Variants in COP1 observed in about 807,000 individuals in gnomAD.
The protein encoded by COP1 is E3 ubiquitin-protein ligase COP1.
In COP1, 24 loss-of-function variants were observed where a neutral mutation model predicts 101.3. The observed-to-expected ratio is 0.24, with a 90% CI of 0.17 to 0.33. The LOEUF (loss-of-function observed/expected upper bound fraction) is 0.33, where lower values mean the gene tolerates loss of function less well. COP1 is among the 10% of genes least tolerant of loss of function. The pLI is 1.00. For synonymous variants in COP1, 347 were observed against 341.9 expected, an observed-to-expected ratio of 1.01 and a Z score of -0.17; for missense variants, 663 against 906.2, an observed-to-expected ratio of 0.73 and a Z score of 3.45.
In COP1 at chr1:176,002,415, T is replaced by C. The variant is rs537962128; in HGVS notation, c.1730-12936A>G. 1.1e-4 allele frequency among the ~76,000 whole-genome samples: 16 copies of C among 152,216 alleles called. No individual in the cohort carries two copies. In the East Asian group the frequency reaches 2.9e-3, roughly 27 times the overall value. Reference sequence around the variant, plus strand: ...ACATGTGCACATAGTGCAGGTTAGTTACATATGTATACATGTGCCATGCTG... The same window carrying C: ...ACATGTGCACATAGTGCAGGTTAGTCACATATGTATACATGTGCCATGCTG... On this transcript the variant is annotated intron_variant, in intron 15 of 19. Transcript: ENST00000367669.
At position 176,190,836 on chromosome 1, in the gene COP1, T is replaced by C. The variant is rs140511607; in HGVS notation, c.408-6144A>G. Among the ~76,000 whole-genome samples the C allele has an allele frequency of 2.6e-3, 399 of 152,088 alleles. 3 individuals carry two copies. Among genetic ancestry groups the C allele is most frequent in the African/African-American group, 9.2e-3 (381 of 41,528 alleles). On this transcript the variant is annotated intron_variant, in intron 1 of 19. Transcript: ENST00000367669. ...ATTTTAGTACAAATGCTAACTCCAT[T>C]ATGCTTTCATAAAATGTGTCAACTG...
At chr1:176,159,680 G>T (rs961792186) in intron 5 of COP1, among the ~76,000 whole-genome samples, 4 of 152,016 alleles carry the variant, frequency 2.6e-5, no homozygotes, top group African/African-American at 9.7e-5. Context: ...AAACAAATAG[G>T]TATATTTCAA....
intron 1 of COP1, among the ~76,000 whole-genome samples, chr1:176,187,721 C>A (rs866523724): frequency 6.6e-6 from 1 of 152,142 alleles, no homozygotes; most frequent in African/African-American, 2.4e-5. Context: ...AATCATTACA[C>A]AGATTAACAA....
At chr1:176,102,423 A>AAT (rs1474713711) in intron 9 of COP1, among the ~76,000 whole-genome samples, 6 of 152,174 alleles carry the variant, frequency 3.9e-5, no homozygotes, top group African/African-American at 1.4e-4. Flanking sequence ...TGGTCTAAGA[A>AAT]ATATACTTGG....
Position 176,116,651 on chromosome 1 carries a change from T to C in COP1, c.999A>G (p.Gln333=). The change falls in exon 9 of 20, where the codon CAA becomes CAG. Residue 333 remains glutamine (Q), a synonymous_variant. Coordinates refer to ENST00000367669, the MANE Select transcript of COP1 (RefSeq NM_022457.7). ...GAGAACTGCCACTGAAACCTGGAGG[T>C]TGGCTGTATTCTGTGGAATCAATAA... is the stretch of plus-strand genomic sequence containing the variant. The part of the protein sequence containing the change: ...SSIIDSTEYS[Q]PPGFSGSSQT... The C allele has an allele frequency of 6.2e-7, 1 of 1,612,174 alleles. No individual in the cohort carries two copies. Among genetic ancestry groups the C allele is most frequent in the Non-Finnish European group, 8.5e-7 (1 of 1,178,774 alleles).
intron 1 of COP1, among the ~76,000 whole-genome samples, chr1:176,201,857 C>T (rs1700294089): frequency 6.6e-6 from 1 of 152,174 alleles, no homozygotes; most frequent in African/African-American, 2.4e-5. Context: ...GCAAAAGAAG[C>T]ATCAAGTTTG....
intron 15 of COP1, among the ~76,000 whole-genome samples, chr1:176,017,085 C>T (rs1442905547): frequency 4.6e-5 from 7 of 151,986 alleles, no homozygotes; most frequent in Admixed American, 2.0e-4. Context: ...ATCATCAATA[C>T]GTTAAAATGA....
chr1:176,150,331 A>C (rs1167134471), intron 5 of COP1, among the ~76,000 whole-genome samples: 1 of 152,344 alleles, frequency 6.6e-6, no homozygotes, highest in East Asian at 1.9e-4. Flanking sequence ...CAATTAAAAT[A>C]ATATAACTGA....
At chr1:175,984,994 G>T (rs1656766179) in intron 18 of COP1, among the ~76,000 whole-genome samples, 1 of 152,198 alleles carries the variant, frequency 6.6e-6, no homozygotes, top group Non-Finnish European at 1.5e-5. Context: ...TATCTCAGAT[G>T]AAACGTTGGA....
In COP1 at chr1:175,952,625, T is replaced by C. The variant is rs1000819873; in HGVS notation, c.2134-5386A>G. ...TGAAAACTCTGATCTAAAAAAGGGA[T>C]AAGGTGGGCATGGTAGCTCACACCT... is the stretch of plus-strand genomic sequence containing the variant. On this transcript the variant is annotated intron_variant, in intron 18 of 19. Coordinates refer to ENST00000367669, the MANE Select transcript of COP1 (RefSeq NM_022457.7). 2.0e-5 allele frequency among the ~76,000 whole-genome samples: 3 copies of C among 151,638 alleles called. No homozygotes were observed. In the East Asian group the frequency reaches 5.9e-4, roughly 30 times the overall value.
intron 9 of COP1, 48 bp from the exon 10 acceptor site, chr1:176,085,938 C>A (rs370392456): frequency 1.2e-5 from 12 of 1,011,536 alleles, no homozygotes; most frequent in African/African-American, 6.3e-5. Context: ...CAATACTCTT[C>A]TTTTGCACAG....
chr1:176,165,346 G>A (rs138903942), intron 3 of COP1, among the ~76,000 whole-genome samples: 1 of 149,652 alleles, frequency 6.7e-6, no homozygotes, highest in Non-Finnish European at 1.5e-5. Flanking sequence ...GTGAGAGAGA[G>A]AGAGAGATGT....
At chr1:176,076,594 A>G (rs1443961014) in intron 11 of COP1, among the ~76,000 whole-genome samples, 1 of 152,104 alleles carries the variant, frequency 6.6e-6, no homozygotes, top group Non-Finnish European at 1.5e-5. Context: ...CTAATCCCAA[A>G]GCTAGTAGAA....
chr1:176,098,315 T>C (rs1173627844), intron 9 of COP1, among the ~76,000 whole-genome samples: 1 of 152,220 alleles, frequency 6.6e-6, no homozygotes, highest in Non-Finnish European at 1.5e-5. Context: ...TTGAAACTAT[T>C]GGAAATAGAT....
intron 18 of COP1, among the ~76,000 whole-genome samples, chr1:175,982,858 T>C (rs1656193744): frequency 6.6e-6 from 1 of 152,174 alleles, no homozygotes; most frequent in African/African-American, 2.4e-5. Context: ...AGAATGGTAG[T>C]TACCAGAGGT....
chr1:176,021,048 A>C (rs1365385752), intron 15 of COP1, among the ~76,000 whole-genome samples: 1 of 152,168 alleles, frequency 6.6e-6, no homozygotes, highest in East Asian at 1.9e-4. Flanking sequence ...ATCACAGCTC[A>C]CTATAACCTT....
intron 15 of COP1, among the ~76,000 whole-genome samples, chr1:176,005,643 T>A (rs1662967665): frequency 6.6e-6 from 1 of 152,236 alleles, no homozygotes; most frequent in African/African-American, 2.4e-5. Context: ...TTGTTCAGTT[T>A]CCATGAAGTT....
intron 14 of COP1, among the ~76,000 whole-genome samples, chr1:176,038,620 C>T (rs928704856): frequency 1.3e-5 from 2 of 152,036 alleles, no homozygotes; most frequent in Admixed American, 6.6e-5. Flanking sequence ...GAGTTCGAGA[C>T]CAGCCTGACC....
intron 11 of COP1, among the ~76,000 whole-genome samples, chr1:176,072,164 CAT>C (rs768942437): frequency 3.3e-5 from 5 of 152,202 alleles, no homozygotes; most frequent in East Asian, 1.9e-4. Context: ...ATTTCTGTCA[CAT>C]GTCATTGGTA....
Sources: gnomAD v4.1 joint callset for allele counts (sites outside exome capture counted in the v4.1 genomes callset) on GRCh38, gnomAD v4.1.1 for gene constraint, MANE v1.5 for transcripts, NCBI Gene and HGNC (gene_info 2026-07-23, HGNC 2026-07-21) for gene names.